The following FYCO1 variants were observed in gnomAD, a reference collection of about 807,000 sequenced individuals.
FYCO1 encodes the protein FYVE and coiled-coil domain-containing protein 1.
FYCO1 carries 122 observed loss-of-function variants against 165.1 expected under a neutral mutation model. That is an observed-to-expected ratio of 0.74 (90% CI 0.64 to 0.86). The LOEUF is 0.86. Ranked by LOEUF, FYCO1 falls within the 40% of genes least tolerant of loss-of-function variation. The pLI, the probability that FYCO1 is intolerant of heterozygous loss-of-function variation, is 0.00. For missense variants in FYCO1, 1,702 were observed against 1,810.3 expected, an observed-to-expected ratio of 0.94 and a Z score of 1.09; for synonymous variants, 648 against 742.5, an observed-to-expected ratio of 0.87 and a Z score of 2.07.
intron 14 of FYCO1, 138 bp downstream of exon 14, chr3:45,955,111 G>T: frequency 4.9e-6 from 5 of 1,021,560 alleles, no homozygotes; most frequent in Non-Finnish European, 7.6e-6. Flanking sequence ...GCTCTTCAAG[G>T]CCATCGCAAG....
chr3:45,984,564 C>T, intron 2 of FYCO1: 1 of 537,662 alleles, frequency 1.9e-6, no homozygotes, highest in East Asian at 3.4e-5. Context: ...CAGGCAGCTT[C>T]AAAACACACA....
chr3:45,955,099 A>T, intron 14 of FYCO1, 150 bp downstream of exon 14: 1 of 930,902 alleles, frequency 1.1e-6, no homozygotes, highest in Non-Finnish European at 1.7e-6. Flanking sequence ...CCGAGCGCCG[A>T]TGCTCTTCAA....
intron 6 of FYCO1, among the ~76,000 whole-genome samples, chr3:45,970,454 G>T (rs919819843): frequency 3.3e-5 from 5 of 152,238 alleles, no homozygotes; most frequent in Admixed American, 3.3e-4. Flanking sequence ...TAAGGAGACA[G>T]TGGGGATGCT....
intron 7 of FYCO1, among the ~76,000 whole-genome samples, chr3:45,968,992 C>CT (rs750071561): frequency 6.6e-6 from 1 of 152,212 alleles, no homozygotes; most frequent in Non-Finnish European, 1.5e-5. Context: ...GACGTTGTCT[C>CT]TGAGATAAAT....
chr3:45,989,819 C>T (rs117661556), intron 1 of FYCO1, among the ~76,000 whole-genome samples: 3 of 152,106 alleles, frequency 2.0e-5, no homozygotes, highest in South Asian at 2.1e-4. Flanking sequence ...ACTTAGAGGG[C>T]TCTGAGGTGT....
intron 6 of FYCO1, 58 bp downstream of exon 6, chr3:45,973,030 T>C: frequency 1.2e-6 from 2 of 1,602,308 alleles, no homozygotes; most frequent in Non-Finnish European, 1.7e-6. Context: ...GGTGGCAATC[T>C]TCAAAACTTC....
rs375252313 is a variant in FYCO1 at position 45,966,434 on chromosome 3, G to A, written c.2900C>T (p.Ala967Val). The change falls in exon 8 of 18, where the codon GCG becomes GTG. Residue 967 changes from alanine to valine, a missense_variant. Coordinates refer to ENST00000296137, the MANE Select transcript of FYCO1 (RefSeq NM_024513.4). ...CAGTGAGCCGGCTGCTGCCTTGGCC[G>A]CCTTCAGCTTCTCCTGCAAGCTCTC... The part of the protein sequence containing the change: ...EKESLQEKLK[A>V]AKAAAGSLPG... The A allele has an allele frequency of 1.6e-5, 25 of 1,612,546 alleles. No individual in the cohort carries two copies. The highest frequency in any genetic ancestry group is 1.1e-4 in the East Asian group (5 of 44,830).
chr3:45,956,291 G>A (rs759526107), intron 13 of FYCO1, among the ~76,000 whole-genome samples: 19 of 151,666 alleles, frequency 1.3e-4, no homozygotes, highest in Non-Finnish European at 2.4e-4. Context: ...AGCCGAGATC[G>A]TACCACTGCA....
chr3:45,967,154 T>A lies in FYCO1; in HGVS notation c.2180A>T (p.His727Leu). Residue 727 changes from histidine (H) to leucine (L), a missense_variant, in exon 8 of 18, where the codon CAC becomes CTC. Physicochemically the swap from His to Leu is moderately conservative, Grantham distance 99 (BLOSUM62 -3). Coordinates refer to ENST00000296137, the MANE Select transcript of FYCO1 (RefSeq NM_024513.4). ...GCTCTCGAGAGCCCTAAGCTCTCTG[T>A]GCCGGGCTTCTGCCAGTTGCTGGCA... ...EQCQQLAEARHRELRALESQC... is the reference protein window; with the variant it reads ...EQCQQLAEARLRELRALESQC... 1 of 1,613,426 alleles carries A rather than the reference T, an allele frequency of 6.2e-7. No homozygotes were observed. The highest frequency in any genetic ancestry group is 2.2e-5 in the East Asian group (1 of 44,848).
chr3:45,937,313 T>C (rs967338309), intron 14 of FYCO1, among the ~76,000 whole-genome samples: 8 of 152,210 alleles, frequency 5.3e-5, no homozygotes, highest in Admixed American at 5.2e-4. Context: ...GTGGCTTCTT[T>C]CTAAATTGCT....
At chr3:45,937,412 G>A (rs1051922487) in intron 14 of FYCO1, among the ~76,000 whole-genome samples, 3 of 152,232 alleles carry the variant, frequency 2.0e-5, no homozygotes, top group African/African-American at 7.2e-5. Flanking sequence ...TGGCCCCCAA[G>A]GGCAGGGGAC....
rs181478885 is a variant in FYCO1 at position 45,982,380 on chromosome 3, T to C, written c.56-704A>G. Among the ~76,000 whole-genome samples, 317 of 151,380 alleles carry C rather than the reference T, an allele frequency of 2.1e-3. 4 individuals carry two copies. The highest frequency in any genetic ancestry group is 0.017 in the Admixed American group (256 of 15,224). ...TTATCCCCATTTTGCAGATGAGGAG[T>C]GTACAGAGAAATCAGAGCACTTGGC... On this transcript the variant is annotated intron_variant, in intron 2 of 17. Transcript: ENST00000296137.
rs1414167405 is a variant in FYCO1 at position 45,964,143 on chromosome 3, G to C, written c.3269+193C>G. Among the ~76,000 whole-genome samples, 1 of 152,150 alleles carries C rather than the reference G, an allele frequency of 6.6e-6. No individual in the cohort carries two copies. Among genetic ancestry groups the C allele is most frequent in the Admixed American group, 6.5e-5 (1 of 15,274 alleles). ...GAGTTAGGAGAAAGGTGCTTTAGCC[G>C]TGTATAGGTTGTGATGGGCAGGCAA... On this transcript the variant is annotated intron_variant, in intron 10 of 17. Transcript: ENST00000296137. This position sits in a 1 kb window ranked among gnomAD's most constrained non-coding sequence, Gnocchi z 4.1.
rs1707667329 is a variant in FYCO1, at chr3:45,993,791, A to C, written c.-113+1931T>G. On this transcript the variant is annotated intron_variant, in intron 1 of 17. Coordinates refer to ENST00000296137, the MANE Select transcript of FYCO1 (RefSeq NM_024513.4). This position sits in a 1 kb window ranked among gnomAD's most constrained non-coding sequence, Gnocchi z 4.4. Reference sequence around the variant, plus strand: ...TTCCACCATAAGACCACAGCTAGACAACACACTTCCTCTGCCTCATGTTTA... The same window carrying C: ...TTCCACCATAAGACCACAGCTAGACCACACACTTCCTCTGCCTCATGTTTA... 6.6e-6 allele frequency among the ~76,000 whole-genome samples: 1 copy of C among 152,124 alleles called. No individual in the cohort carries two copies. The highest frequency in any genetic ancestry group is 6.5e-5 in the Admixed American group (1 of 15,272).
intron 11 of FYCO1, among the ~76,000 whole-genome samples, chr3:45,961,099 T>C (rs1705674775): frequency 6.6e-6 from 1 of 152,086 alleles, no homozygotes. Flanking sequence ...GGGAAACCCA[T>C]TGACTAAAAG....
intron 15 of FYCO1, among the ~76,000 whole-genome samples, chr3:45,935,118 A>G (rs866478962): frequency 1.3e-5 from 2 of 152,160 alleles, no homozygotes; most frequent in African/African-American, 2.4e-5. Context: ...ACCACATCTA[A>G]ACCTTCAGGA....
At chr3:45,922,067 C>T (rs1169187272) in intron 17 of FYCO1, among the ~76,000 whole-genome samples, 1 of 152,116 alleles carries the variant, frequency 6.6e-6, no homozygotes, top group Non-Finnish European at 1.5e-5. Flanking sequence ...GCAGAAATGC[C>T]CTTTTGATCA....
At position 45,962,394 on chromosome 3, in the gene FYCO1, T is replaced by G. The variant is rs933498193; in HGVS notation, c.3270-2A>C. The stretch of plus-strand genomic sequence containing the variant: ...GCTTTTTCGAGTTCCTTCTGGGTCC[T>G]GGGGGAGGAGTGGTAAGTTTTCTTG... On this transcript the variant is annotated splice_acceptor_variant, in intron 10 of 17. Transcript: ENST00000296137. LOFTEE classifies it high-confidence loss of function. This position sits in a 1 kb window ranked among gnomAD's most constrained non-coding sequence, Gnocchi z 4.4. The G allele has an allele frequency of 5.0e-6, 8 of 1,614,072 alleles. No homozygotes were observed. The highest frequency in any genetic ancestry group is 6.8e-6 in the Non-Finnish European group (8 of 1,179,944).
Position 45,967,007 on chromosome 3 carries a change from G to A in FYCO1, c.2327C>T (p.Ala776Val), listed in dbSNP as rs536061109. ...CTCCCCCTGATGGACTTCCAGCTGC[G>A]CCTGAGACAGGGCTAGCTGGGCAGC... ...ELAAQLALSQ[A>V]QLEVHQGEVQ... Residue 776 changes from alanine (A) to valine (V), a missense_variant, in exon 8 of 18, where the codon GCG becomes GTG. Coordinates refer to ENST00000296137, the MANE Select transcript of FYCO1 (RefSeq NM_024513.4). The A allele has an allele frequency of 2.7e-5, 43 of 1,613,040 alleles. No homozygotes were observed. Among genetic ancestry groups the A allele is most frequent in the East Asian group, 6.7e-5 (3 of 44,872 alleles).
Sources: allele counts gnomAD v4.1 joint callset (sites outside exome capture counted in the v4.1 genomes callset), GRCh38; gene constraint gnomAD v4.1.1; non-coding constraint Gnocchi (gnomAD v3.1); transcripts MANE v1.5; gene names NCBI Gene and HGNC (gene_info 2026-07-23, HGNC 2026-07-21).